The following ULK4 variants were observed in gnomAD, a reference collection of about 807,000 sequenced individuals.
ULK4 encodes the protein inactive serine/threonine-protein kinase ULK4.
In ULK4, 133 loss-of-function variants were observed where a neutral mutation model predicts 160.6. The observed-to-expected ratio is 0.83, with a 90% CI of 0.72 to 0.96. The LOEUF (loss-of-function observed/expected upper bound fraction) is 0.96. Ranked by LOEUF, ULK4 falls within the 40% of genes least tolerant of loss-of-function variation. The pLI is 0.00. For synonymous variants in ULK4, 534 were observed against 539.8 expected (o/e 0.99, Z 0.15); for missense variants, 1,580 against 1,499.5 (o/e 1.05, Z -0.89).
intron 1 of ULK4, among the ~76,000 whole-genome samples, chr3:41,961,320 G>A (rs1180790777): frequency 6.6e-6 from 1 of 152,062 alleles, no homozygotes; most frequent in Non-Finnish European, 1.5e-5. Context: ...AAAGTTATCG[G>A]CCCTGCCCCA....
chr3:41,733,724 G>GAT (rs2037916177), intron 22 of ULK4, among the ~76,000 whole-genome samples: 1 of 111,446 alleles, frequency 9.0e-6, no homozygotes, highest in African/African-American at 5.1e-5. Flanking sequence ...CTAAACACAT[G>GAT]ATTTTTTTTT....
chr3:41,610,363 T>C (rs1366353876), intron 31 of ULK4, among the ~76,000 whole-genome samples: 2 of 152,222 alleles, frequency 1.3e-5, no homozygotes, highest in Non-Finnish European at 2.9e-5. Flanking sequence ...TTCACCCATG[T>C]GCATAGCAAA....
chr3:41,586,581 T>A (rs549183761), intron 31 of ULK4, among the ~76,000 whole-genome samples: 8 of 152,310 alleles, frequency 5.3e-5, no homozygotes, highest in African/African-American at 1.9e-4. Flanking sequence ...TGTATAACAA[T>A]GTGAATATAC....
At chr3:41,429,905 A>T (rs192562391) in intron 34 of ULK4, among the ~76,000 whole-genome samples, 51 of 152,306 alleles carry the variant, frequency 3.3e-4, no homozygotes, top group Non-Finnish European at 5.9e-4. Context: ...CCAGATGTAA[A>T]ATTAATTAAA....
chr3:41,708,614 C>A (rs1280673197), intron 25 of ULK4, among the ~76,000 whole-genome samples: 2 of 152,102 alleles, frequency 1.3e-5, no homozygotes, highest in Admixed American at 6.5e-5. Flanking sequence ...TGGGATTACA[C>A]GCCTATAATC....
At chr3:41,526,644 A>C (rs1470715670) in intron 32 of ULK4, among the ~76,000 whole-genome samples, 1 of 152,116 alleles carries the variant, frequency 6.6e-6, no homozygotes, top group Non-Finnish European at 1.5e-5. Context: ...GTCACCAAAG[A>C]CTTTTTAGAT....
chr3:41,442,274 A>G (rs968439678), intron 34 of ULK4, among the ~76,000 whole-genome samples: 2 of 152,212 alleles, frequency 1.3e-5, no homozygotes, highest in African/African-American at 4.8e-5. Flanking sequence ...AACGGGTAAC[A>G]TAAGATAGAA....
At chr3:41,779,567 A>T (rs2039742933) in intron 21 of ULK4, among the ~76,000 whole-genome samples, 1 of 11,018 alleles carries the variant, frequency 9.1e-5, no homozygotes, top group Non-Finnish European at 1.4e-4. Context: ...TCACAATAGC[A>T]AAGACTTGGA....
At chr3:41,915,039 G>A (rs536652803) in intron 8 of ULK4, among the ~76,000 whole-genome samples, 1 of 152,264 alleles carries the variant, frequency 6.6e-6, no homozygotes, top group South Asian at 2.1e-4. Flanking sequence ...AATGTACCAT[G>A]AGAGAAAAAA....
chr3:41,556,774 A>G (rs1026269787), intron 32 of ULK4, among the ~76,000 whole-genome samples: 2 of 152,106 alleles, frequency 1.3e-5, no homozygotes, highest in African/African-American at 2.4e-5. Flanking sequence ...GGCATGACCC[A>G]CTGTGCCCGG....
At chr3:41,802,350 T>A (rs2040487348) in intron 19 of ULK4, among the ~76,000 whole-genome samples, 1 of 152,224 alleles carries the variant, frequency 6.6e-6, no homozygotes, top group Non-Finnish European at 1.5e-5. Flanking sequence ...CAGACTGAAG[T>A]ACAATGGCAG....
In ULK4 at chr3:41,774,773, CAT is replaced by C. The variant is rs965456722; in HGVS notation, c.2193+14886_2193+14887del. On this transcript the variant is annotated intron_variant, in intron 21 of 36. Transcript: ENST00000301831. ...ATGCTGCTATAAAGACACATGCACA[CAT>C]ATGTTTATTGCGGCACTACTCACAA... 2.5e-4 allele frequency among the ~76,000 whole-genome samples: 38 copies of C among 150,642 alleles called. 1 individual carries two copies. The highest frequency in any genetic ancestry group is 2.2e-3 in the Admixed American group (33 of 15,234).
intron 22 of ULK4, among the ~76,000 whole-genome samples, chr3:41,744,673 TAAG>T (rs1008386175): frequency 9.9e-5 from 15 of 151,694 alleles, no homozygotes; most frequent in African/African-American, 3.4e-4. Context: ...AGAAAAACAG[TAAG>T]AATAGAGAAT....
At chr3:41,381,632 C>T (rs1478048216) in intron 35 of ULK4, among the ~76,000 whole-genome samples, 1 of 152,080 alleles carries the variant, frequency 6.6e-6, no homozygotes, top group African/African-American at 2.4e-5. Flanking sequence ...AAGATATATC[C>T]AAAATATAAC....
chr3:41,915,877 G>A (rs1698949941), intron 8 of ULK4, 100 bp downstream of exon 8: 1 of 780,516 alleles, frequency 1.3e-6, no homozygotes, highest in Non-Finnish European at 2.1e-6. Flanking sequence ...ACATAAAAGG[G>A]GGAAAAGATT....
intron 30 of ULK4, among the ~76,000 whole-genome samples, chr3:41,623,472 C>T (rs949216835): frequency 2.6e-5 from 4 of 152,154 alleles, no homozygotes; most frequent in African/African-American, 9.7e-5. Context: ...CCTAAATGAC[C>T]ATCACTGGGT....
At chr3:41,576,403 G>C in intron 31 of ULK4, among the ~76,000 whole-genome samples, 1 of 152,208 alleles carries the variant, frequency 6.6e-6, no homozygotes, top group Non-Finnish European at 1.5e-5. Context: ...TGAGTGCCTT[G>C]AGGGCACGAC....
chr3:41,908,171 T>C (rs1425765512), intron 11 of ULK4, among the ~76,000 whole-genome samples: 6 of 152,192 alleles, frequency 3.9e-5, no homozygotes, highest in Non-Finnish European at 8.8e-5. Flanking sequence ...CCTTTTTAAC[T>C]AGAAACCTTC....
chr3:41,637,689 T>C (rs1266635027), intron 30 of ULK4, among the ~76,000 whole-genome samples: 1 of 152,198 alleles, frequency 6.6e-6, no homozygotes, highest in Non-Finnish European at 1.5e-5. Flanking sequence ...TCTCCACACC[T>C]TCTCCAATCC....
Sources: gnomAD v4.1 joint callset for allele counts (sites outside exome capture counted in the v4.1 genomes callset) on GRCh38, gnomAD v4.1.1 for gene constraint, MANE v1.5 for transcripts, NCBI Gene and HGNC (gene_info 2026-07-23, HGNC 2026-07-21) for gene names.